CDH23: variants seen among roughly 807,000 people sequenced by gnomAD.
CDH23 encodes the protein cadherin-23.
In CDH23, 189 loss-of-function variants were observed where a neutral mutation model predicts 317.1. The ratio of observed to expected loss-of-function variants is 0.60; its 90% CI spans 0.53 to 0.67. The LOEUF (loss-of-function observed/expected upper bound fraction) is 0.67, where lower values mean the gene tolerates loss of function less well. Among genes scored for constraint, CDH23 ranks in the 30% least tolerant of loss-of-function variants. CDH23 has a pLI of 0.00. For synonymous variants in CDH23, 1,839 were observed against 1,876.8 expected, an observed-to-expected ratio of 0.98 and a Z score of 0.52; for missense variants, 4,401 against 4,592.4, an observed-to-expected ratio of 0.96 and a Z score of 1.20.
chr10:71,655,682 A>G (rs1159845558), intron 14 of CDH23, among the ~76,000 whole-genome samples: 1 of 151,980 alleles, frequency 6.6e-6, no homozygotes, highest in East Asian at 1.9e-4. Flanking sequence ...CCCATGGTGT[A>G]TGCAACACAA....
chr10:71,656,849 G>A lies in CDH23; in HGVS notation c.1449+10232G>A, dbSNP rs760626700. Among the ~76,000 whole-genome samples, 27 of 152,248 alleles carry A rather than the reference G, an allele frequency of 1.8e-4. 1 individual carries two copies. Among genetic ancestry groups the A allele is most frequent in the African/African-American group, 5.8e-4 (24 of 41,560 alleles). On this transcript the variant is annotated intron_variant, in intron 14 of 69. Coordinates refer to ENST00000224721, the MANE Select transcript of CDH23 (RefSeq NM_022124.6). ...AGGTGATGAGGCCTGGGAGCCCATC[G>A]TGGGTAGCAAGTCTAGGAGAGCCCT...
At chr10:71,423,814 G>A (rs1393320862) in intron 1 of CDH23, among the ~76,000 whole-genome samples, 1 of 152,204 alleles carries the variant, frequency 6.6e-6, no homozygotes, top group African/African-American at 2.4e-5. Flanking sequence ...TGAGAGGCTG[G>A]TGGTGCTCGC....
rs550196619 is a variant in CDH23, at chr10:71,691,826, T to A, written c.2176+1242T>A. ...GGGCATCAGCTCTTCCTGCTATCCATCCCTCCACGTTGGAAGTCAGCCTTC... is the reference window on the plus strand; with the variant it reads ...GGGCATCAGCTCTTCCTGCTATCCAACCCTCCACGTTGGAAGTCAGCCTTC... On this transcript the variant is annotated intron_variant, in intron 20 of 69. Coordinates refer to ENST00000224721, the MANE Select transcript of CDH23 (RefSeq NM_022124.6). 1.6e-4 allele frequency among the ~76,000 whole-genome samples: 24 copies of A among 152,322 alleles called. No homozygotes were observed. In the South Asian group the frequency reaches 4.3e-3, roughly 28 times the overall value.
intron 38 of CDH23, chr10:71,748,613 G>T (rs1283266682): frequency 1.3e-5 from 2 of 152,318 alleles, no homozygotes. Context: ...GTTCTTAAAA[G>T]CATGGATTTC....
chr10:71,445,317 A>G (rs1850101882), intron 2 of CDH23, among the ~76,000 whole-genome samples: 1 of 152,214 alleles, frequency 6.6e-6, no homozygotes, highest in Non-Finnish European at 1.5e-5. Context: ...CTGAGATGGC[A>G]GCTATTATCA....
intron 11 of CDH23, among the ~76,000 whole-genome samples, chr10:71,639,769 T>A (rs571933665): frequency 5.2e-4 from 79 of 152,290 alleles, no homozygotes; most frequent in African/African-American, 1.4e-3. Context: ...GAAGCTGTTG[T>A]CATAAAAGGC....
chr10:71,646,473 G>A lies in CDH23; in HGVS notation c.1305G>A (p.Glu435=). ...TGCACCCCCAGCTCTTTGCCAATGA[G>A]AGTGTGCCTGACCATGTGGGCTATG... ...DRYDFDLFAN[E]SVPDHVGYAK... The change falls in exon 14 of 70, where the codon GAG becomes GAA. Residue 435 remains glutamate, a synonymous_variant. Coordinates refer to ENST00000224721, the MANE Select transcript of CDH23 (RefSeq NM_022124.6). 1.2e-6 allele frequency: 2 copies of A among 1,613,818 alleles called. No homozygotes were observed. Among genetic ancestry groups the A allele is most frequent in the Non-Finnish European group, 1.7e-6 (2 of 1,179,850 alleles).
intron 3 of CDH23, among the ~76,000 whole-genome samples, chr10:71,492,221 C>T (rs1314282098): frequency 6.6e-6 from 1 of 152,198 alleles, no homozygotes; most frequent in Non-Finnish European, 1.5e-5. Flanking sequence ...GAGCTCTCTG[C>T]AGCCTACCCT....
chr10:71,738,682 T>C (rs1286396845), intron 35 of CDH23, 35 bp downstream of exon 35: 2 of 1,603,726 alleles, frequency 1.2e-6, no homozygotes, highest in Non-Finnish European at 8.5e-7. Flanking sequence ...GGATCCACCA[T>C]GTCAGCGGGG....
intron 6 of CDH23, among the ~76,000 whole-genome samples, chr10:71,537,320 G>A (rs1039382834): frequency 3.3e-5 from 5 of 152,170 alleles, no homozygotes; most frequent in African/African-American, 4.8e-5. Flanking sequence ...TAAACACAGC[G>A]GAGAGCCCGG....
intron 6 of CDH23, among the ~76,000 whole-genome samples, chr10:71,547,538 T>C (rs1290459585): frequency 6.6e-6 from 1 of 152,204 alleles, no homozygotes; most frequent in Admixed American, 6.5e-5. Context: ...GGAATAGGGT[T>C]GTGGCGACAC....
chr10:71,739,817 C>T, intron 36 of CDH23, 45 bp downstream of exon 36: 3 of 1,566,094 alleles, frequency 1.9e-6, no homozygotes, highest in Non-Finnish European at 2.6e-6. Flanking sequence ...TGGCTAAGTG[C>T]CTAGACCGGT....
rs58703380 is a variant in CDH23, at chr10:71,677,993, G to T, written c.1752+300G>T. On this transcript the variant is annotated intron_variant, in intron 16 of 69. Transcript: ENST00000224721. The stretch of plus-strand genomic sequence containing the variant: ...TGCAAGAGGGGCTGACCTTCTATCC[G>T]CAAAGAATACTGCACAGATTTCAGA... Among the ~76,000 whole-genome samples, 3,539 of 152,226 alleles carry T rather than the reference G, an allele frequency of 0.023. 124 individuals carry two copies. Among genetic ancestry groups the T allele is most frequent in the African/African-American group, 0.081 (3,377 of 41,530 alleles).
chr10:71,751,661 CACTT>C lies in CDH23; in HGVS notation c.4845+9743_4845+9746del. ...TCATCGTGCTGTGAAGGTCAGGAAACACTTACCCAGGGATGGGAAGAAGACGTCT... is the reference window on the plus strand; with the variant it reads ...TCATCGTGCTGTGAAGGTCAGGAAACACCCAGGGATGGGAAGAAGACGTCT... On this transcript the variant is annotated intron_variant, in intron 38 of 69. Transcript: ENST00000224721. The surrounding 1 kb of genome is among the most constrained non-coding windows in gnomAD (Gnocchi z 4.9). 2 of 1,523,168 alleles carry C rather than the reference CACTT, an allele frequency of 1.3e-6. No individual in the cohort carries two copies. The highest frequency in any genetic ancestry group is 1.8e-6 in the Non-Finnish European group (2 of 1,136,430). 94.4% of individuals were successfully genotyped at this position (1,523,168 alleles called of 1,614,324 possible).
intron 3 of CDH23, among the ~76,000 whole-genome samples, chr10:71,486,668 A>G (rs140989346): frequency 2.6e-5 from 4 of 152,136 alleles, no homozygotes; most frequent in Admixed American, 6.5e-5. Context: ...CCACAGTTGC[A>G]TGGTCAGTAG....
intron 6 of CDH23, among the ~76,000 whole-genome samples, chr10:71,563,051 C>T (rs966216302): frequency 3.2e-4 from 49 of 152,142 alleles, no homozygotes; most frequent in African/African-American, 1.1e-3. Context: ...TCATGAGGAG[C>T]AGCTGTTCTT....
chr10:71,785,671 G>A lies in CDH23; in HGVS notation c.5753G>A (p.Arg1918Gln), dbSNP rs115113440. 3.2e-4 allele frequency: 511 copies of A among 1,608,082 alleles called. No homozygotes were observed. The African/African-American group carries it at 5.7e-3, about 18-fold the overall frequency. ...VTVNRPLDRE[R>Q]IPEYKLTISV... ...GTGAACCGGCCCCTGGACCGCGAGC[G>A]GATCCCAGAGTACAAGCTGACCATT... The change falls in exon 44 of 70, where the codon CGG becomes CAG. Residue 1918 changes from arginine to glutamine, a missense_variant. Coordinates refer to ENST00000224721, the MANE Select transcript of CDH23 (RefSeq NM_022124.6).
At chr10:71,455,677 A>C (rs1850660763) in intron 3 of CDH23, among the ~76,000 whole-genome samples, 1 of 152,204 alleles carries the variant, frequency 6.6e-6, no homozygotes, top group South Asian at 2.1e-4. Context: ...TTCAATTGTA[A>C]CAGGTGCTAA....
Position 71,675,053 on chromosome 10 carries a change from G to A in CDH23, c.1450-59G>A. 2.0e-6 allele frequency: 3 copies of A among 1,498,352 alleles called. No individual in the cohort carries two copies. The South Asian group carries it at 3.4e-5, about 17-fold the overall frequency. 92.8% of individuals were successfully genotyped at this position (1,498,352 alleles called of 1,614,324 possible). A position where few individuals can be genotyped will look rare whatever the true frequency, so the allele number is the denominator to read the frequency against. On this transcript the variant is annotated intron_variant, in intron 14 of 69. Transcript: ENST00000224721. Reference sequence around the variant, plus strand: ...CGTGCGAGAGGAACATGGGTTTCCTGTGGACCTGAAGCCTCAGCTGGGCCT... The same window carrying A: ...CGTGCGAGAGGAACATGGGTTTCCTATGGACCTGAAGCCTCAGCTGGGCCT...
Sources: gnomAD v4.1 joint callset for allele counts (sites outside exome capture counted in the v4.1 genomes callset) on GRCh38, gnomAD v4.1.1 for gene constraint, Gnocchi (gnomAD v3.1) non-coding constraint, MANE v1.5 for transcripts, NCBI Gene and HGNC (gene_info 2026-07-23, HGNC 2026-07-21) for gene names.